PAK2: variants seen among roughly 807,000 people sequenced by gnomAD.
The protein encoded by PAK2 is serine/threonine-protein kinase PAK 2.
A neutral mutation model predicts 65.9 loss-of-function variants in PAK2; 21 were observed. The observed-to-expected ratio is 0.32, with a 90% confidence interval of 0.23 to 0.46. PAK2 has a LOEUF of 0.46. Among genes scored for constraint, PAK2 ranks in the 20% least tolerant of loss-of-function variants. PAK2 has a pLI of 1.00. For synonymous variants in PAK2, 204 were observed against 219.7 expected, an observed-to-expected ratio of 0.93 and a Z score of 0.63; for missense variants, 324 against 642.6, an observed-to-expected ratio of 0.50 and a Z score of 5.36.
intron 2 of PAK2, among the ~76,000 whole-genome samples, chr3:196,783,387 C>CA (rs1204706577): frequency 1.3e-5 from 2 of 152,026 alleles, no homozygotes; most frequent in Non-Finnish European, 2.9e-5. Context: ...TTTGTTGTTG[C>CA]AGGGACCTAT....
chr3:196,770,434 T>C (rs1281082554), intron 1 of PAK2, among the ~76,000 whole-genome samples: 1 of 151,882 alleles, frequency 6.6e-6, no homozygotes, highest in African/African-American at 2.4e-5. Flanking sequence ...GGTGGGAGGA[T>C]TGCTTGAGTT....
chr3:196,805,354 A>G lies in PAK2; in HGVS notation c.439A>G (p.Lys147Glu), dbSNP rs1560110620. ...QKYLSFTPPEKDGFPSGTPAL... is the reference protein window; with the variant it reads ...QKYLSFTPPEEDGFPSGTPAL... ...GTTATGTTTTGTTTCATATTCAGAG[A>G]AAGATGGCTTTCCTTCTGGAACACC... The change falls in exon 5 of 15, where the codon AAA (lysine) becomes GAA (glutamate). Residue 147 changes from lysine to glutamate, a missense_variant and splice_region_variant. Transcript: ENST00000327134. 10 of 1,447,484 alleles carry G rather than the reference A, an allele frequency of 6.9e-6. No homozygotes were observed. Among genetic ancestry groups the G allele is most frequent in the Non-Finnish European group, 8.5e-6 (9 of 1,062,552 alleles). The allele number at this position is 1,447,484 out of a possible 1,614,324, so 89.7% of individuals were successfully genotyped here.
At chr3:196,746,359 TTTC>T (rs1488309988) in intron 1 of PAK2, among the ~76,000 whole-genome samples, 3 of 152,318 alleles carry the variant, frequency 2.0e-5, no homozygotes, top group Admixed American at 1.3e-4. Flanking sequence ...ATGATATGGT[TTTC>T]TTCTTTTAAC....
Position 196,828,045 on chromosome 3 carries a change from A to C in PAK2, c.1489-274A>C, listed in dbSNP as rs1035386893. Among the ~76,000 whole-genome samples, 5 of 143,728 alleles carry C rather than the reference A, an allele frequency of 3.5e-5. No homozygotes were observed. In the East Asian group the frequency reaches 6.1e-4, roughly 18 times the overall value. 94.3% of individuals were successfully genotyped at this position (143,728 alleles called of 152,430 possible). A position where few individuals can be genotyped will look rare whatever the true frequency, so the allele number is the denominator to read the frequency against. On this transcript the variant is annotated intron_variant, in intron 14 of 14. Transcript: ENST00000327134. Reference sequence around the variant, plus strand: ...TGTTTACAGTTTGTGCATCGTATCAATCCTCAGACCTGTTTACAGTTTGTG... The same window carrying C: ...TGTTTACAGTTTGTGCATCGTATCACTCCTCAGACCTGTTTACAGTTTGTG...
chr3:196,770,211 C>T (rs970381805), intron 1 of PAK2, among the ~76,000 whole-genome samples: 2 of 152,004 alleles, frequency 1.3e-5, no homozygotes, highest in Non-Finnish European at 2.9e-5. Flanking sequence ...GAGGTCTGAT[C>T]ATGCCATTGT....
chr3:196,771,425 G>A (rs1262519263), intron 1 of PAK2, among the ~76,000 whole-genome samples: 1 of 151,924 alleles, frequency 6.6e-6, no homozygotes, highest in Non-Finnish European at 1.5e-5. Flanking sequence ...TTACAGATTT[G>A]TGTTCTTTAT....
intron 1 of PAK2, among the ~76,000 whole-genome samples, chr3:196,771,015 G>A (rs564553360): frequency 1.1e-4 from 17 of 151,888 alleles, no homozygotes; most frequent in Non-Finnish European, 1.8e-4. Flanking sequence ...TTTGTTGGAG[G>A]TGTTTTCAAA....
intron 1 of PAK2, among the ~76,000 whole-genome samples, chr3:196,749,612 G>A (rs1342815063): frequency 2.6e-5 from 4 of 152,176 alleles, no homozygotes; most frequent in Non-Finnish European, 4.4e-5. Flanking sequence ...TGATTTGGGT[G>A]AATACCAAGG....
In PAK2 at chr3:196,768,818, A is replaced by G. The variant is rs184919377; in HGVS notation, c.-21-13808A>G. Among the ~76,000 whole-genome samples the G allele has an allele frequency of 3.5e-3, 525 of 151,980 alleles. 2 individuals carry two copies. The highest frequency in any genetic ancestry group is 0.014 in the South Asian group (67 of 4,822). ...GTAACTGGGATTACAGACGCGTCTCATCATGCCCAGCTAATTTTTGTATTT... is the reference window on the plus strand; with the variant it reads ...GTAACTGGGATTACAGACGCGTCTCGTCATGCCCAGCTAATTTTTGTATTT... On this transcript the variant is annotated intron_variant, in intron 1 of 14. Transcript: ENST00000327134.
At chr3:196,793,319 C>A (rs577549259) in intron 2 of PAK2, among the ~76,000 whole-genome samples, 42 of 152,344 alleles carry the variant, frequency 2.8e-4, no homozygotes, top group Non-Finnish European at 2.1e-4. Context: ...TCAGCATTTT[C>A]AACTCCTTTC....
intron 13 of PAK2, among the ~76,000 whole-genome samples, chr3:196,822,817 C>T (rs1259110446): frequency 6.6e-6 from 1 of 152,202 alleles, no homozygotes; most frequent in Non-Finnish European, 1.5e-5. Flanking sequence ...GAGGGAAAAG[C>T]ATTCTAAGCA....
At chr3:196,826,449 G>A (rs1376426480) in intron 13 of PAK2, among the ~76,000 whole-genome samples, 1 of 151,944 alleles carries the variant, frequency 6.6e-6, no homozygotes, top group Non-Finnish European at 1.5e-5. Context: ...TGGGATTACA[G>A]GCGTGAGCCA....
chr3:196,824,212 C>T (rs1366267063), intron 13 of PAK2, among the ~76,000 whole-genome samples: 1 of 152,198 alleles, frequency 6.6e-6, no homozygotes, highest in East Asian at 1.9e-4. Context: ...CCTCTCTCGT[C>T]TGTACATAGT....
intron 1 of PAK2, among the ~76,000 whole-genome samples, chr3:196,762,566 A>G (rs1413569454): frequency 3.3e-5 from 5 of 150,332 alleles, no homozygotes; most frequent in Admixed American, 1.3e-4. Context: ...CATGCCTGCA[A>G]TCGCAGGCAC....
chr3:196,817,186 A>G (rs1404601172), intron 11 of PAK2, among the ~76,000 whole-genome samples: 4 of 96,632 alleles, frequency 4.1e-5, no homozygotes, highest in African/African-American at 1.8e-4. Flanking sequence ...TTTTTTTGAG[A>G]CTGAGTCTTG....
At chr3:196,817,001 C>T (rs191348388) in intron 11 of PAK2, among the ~76,000 whole-genome samples, 1 of 152,176 alleles carries the variant, frequency 6.6e-6, no homozygotes, top group Non-Finnish European at 1.5e-5. Flanking sequence ...ATCTTACCCG[C>T]TTCTCAGTGG....
chr3:196,795,315 A>AAG (rs1715222056), intron 2 of PAK2, among the ~76,000 whole-genome samples: 1 of 151,748 alleles, frequency 6.6e-6, no homozygotes. Context: ...AGAAAAAAAG[A>AAG]AAAATTATCT....
chr3:196,780,184 T>C (rs1039628848), intron 1 of PAK2, among the ~76,000 whole-genome samples: 9 of 152,268 alleles, frequency 5.9e-5, no homozygotes, highest in African/African-American at 1.9e-4. Context: ...CATTTCTTCC[T>C]TAGACCAGAC....
rs36013536 is a variant in PAK2 at position 196,813,018 on chromosome 3, T to TTC, written c.935+171_935+172dup. Among the ~76,000 whole-genome samples, 477 of 152,184 alleles carry TTC rather than the reference T, an allele frequency of 3.1e-3. 16 individuals are homozygous for TTC. The East Asian group carries it at 0.073, about 23-fold the overall frequency. On this transcript the variant is annotated intron_variant, in intron 10 of 14. Transcript: ENST00000327134. Reference sequence around the variant, plus strand: ...AGCACAGTGCAGTTTTAGAAGGTCCTTCTCTGCAAGGACATCACTTGGCAG... The same window carrying TTC: ...AGCACAGTGCAGTTTTAGAAGGTCCTTCTCTCTGCAAGGACATCACTTGGCAG...
Sources: allele counts gnomAD v4.1 joint callset (sites outside exome capture counted in the v4.1 genomes callset), GRCh38; gene constraint gnomAD v4.1.1; transcripts MANE v1.5; gene names NCBI Gene and HGNC (gene_info 2026-07-23, HGNC 2026-07-21).